HERC1: variants seen among roughly 807,000 people sequenced by gnomAD.
HERC1 encodes HECT and RLD domain containing E3 ubiquitin protein ligase family member 1, also known as probable E3 ubiquitin-protein ligase HERC1.
HERC1 carries 160 observed loss-of-function variants against 554.3 expected under a neutral mutation model. The ratio of observed to expected loss-of-function variants is 0.29; its 90% CI spans 0.25 to 0.33. HERC1 has a LOEUF of 0.33. HERC1 is among the 10% of genes least tolerant of loss of function. HERC1 has a pLI of 1.00. For missense variants in HERC1, 4,919 were observed against 5,918.5 expected, an observed-to-expected ratio of 0.83 and a Z score of 5.54; for synonymous variants, 2,175 against 2,131.7, an observed-to-expected ratio of 1.02 and a Z score of -0.56.
chr15:63,682,901 C>T (rs1034379926), intron 34 of HERC1, among the ~76,000 whole-genome samples: 9 of 151,460 alleles, frequency 5.9e-5, no homozygotes, highest in African/African-American at 2.2e-4. Context: ...TTTGGGAGGC[C>T]GAGGCAGGCA....
intron 1 of HERC1, among the ~76,000 whole-genome samples, chr15:63,796,965 T>C (rs1380972595): frequency 2.0e-5 from 3 of 152,178 alleles, no homozygotes; most frequent in African/African-American, 7.2e-5. Context: ...TTATGAGGCA[T>C]ATCTGGCTCC....
intron 76 of HERC1, among the ~76,000 whole-genome samples, chr15:63,615,527 T>C (rs2067778127): frequency 6.6e-6 from 1 of 152,152 alleles, no homozygotes; most frequent in African/African-American, 2.4e-5. Flanking sequence ...AGAGAATCAC[T>C]TGAACCCAGG....
intron 48 of HERC1, among the ~76,000 whole-genome samples, chr15:63,657,219 G>T (rs1056448699): frequency 8.0e-5 from 12 of 150,878 alleles, no homozygotes; most frequent in Middle Eastern, 3.2e-3. Flanking sequence ...CCATTCTTGT[G>T]GGTGTGCAAT....
chr15:63,636,018 G>A lies in HERC1; in HGVS notation c.12357C>T (p.Ser4119=), dbSNP rs376591272. The change falls in exon 65 of 78, where the codon AGC becomes AGT. Residue 4119 remains serine (S), a synonymous_variant. Coordinates refer to ENST00000443617, the MANE Select transcript of HERC1 (RefSeq NM_003922.4). ...TCTGCCTGGGCCGCCGCTGCCTGTCGCTGTTCCCATGGCCAAGTTTACCAT... is the reference window on the plus strand; with the variant it reads ...TCTGCCTGGGCCGCCGCTGCCTGTCACTGTTCCCATGGCCAAGTTTACCAT... ...GDYGKLGHGN[S]DRQRRPRQIE... is the part of the protein sequence containing the mutation. The A allele has an allele frequency of 5.3e-5, 85 of 1,613,696 alleles. No individual in the cohort carries two copies. The highest frequency in any genetic ancestry group is 6.4e-5 in the Non-Finnish European group (75 of 1,179,854).
chr15:63,674,014 C>T (rs527446500), intron 38 of HERC1, among the ~76,000 whole-genome samples: 1 of 152,256 alleles, frequency 6.6e-6, no homozygotes, highest in Non-Finnish European at 1.5e-5. Context: ...CATGAGCCAC[C>T]ATGCTTGCCA....
At chr15:63,770,979 A>G (rs1282317346) in intron 2 of HERC1, among the ~76,000 whole-genome samples, 3 of 152,198 alleles carry the variant, frequency 2.0e-5, no homozygotes, top group Admixed American at 2.0e-4. Context: ...ACCTGAGGTT[A>G]GGAGTTCGAG....
At chr15:63,746,841 G>C in intron 12 of HERC1, 77 bp downstream of exon 12, 1 of 1,247,320 alleles carries the variant, frequency 8.0e-7, no homozygotes. Context: ...CCAATGTACA[G>C]TTGAATATAT....
At position 63,754,594 on chromosome 15, in the gene HERC1, T is replaced by C. The variant is rs779285476; in HGVS notation, c.1685A>G (p.Asn562Ser). Residue 562 changes from asparagine (N) to serine (S), a missense_variant, in exon 7 of 78, where the codon AAT becomes AGT. By Grantham distance (46) the Asn-to-Ser change is conservative. Coordinates refer to ENST00000443617, the MANE Select transcript of HERC1 (RefSeq NM_003922.4). ...NIPTLVKDIS[N>S]VGEVSCGSSH... ...ACTGCCACAAGAAACCTCTCCTACATTGCTGATGTCTTTTACTAATGTTGG... is the reference window on the plus strand; with the variant it reads ...ACTGCCACAAGAAACCTCTCCTACACTGCTGATGTCTTTTACTAATGTTGG... 49 of 1,613,628 alleles carry C rather than the reference T, an allele frequency of 3.0e-5. No homozygotes were observed. Among genetic ancestry groups the C allele is most frequent in the Non-Finnish European group, 3.5e-5 (41 of 1,179,662 alleles).
rs16947451 is a variant in HERC1 at position 63,797,310 on chromosome 15, T to C, written c.-26-21661A>G. ...CACAAGACAAGTATAGCTTCTTCTA[T>C]CATTCCTTACTGTTCAGGAGTCATG... On this transcript the variant is annotated intron_variant, in intron 1 of 77. Transcript: ENST00000443617. Among the ~76,000 whole-genome samples the C allele has an allele frequency of 7.0e-3, 1,073 of 152,328 alleles. 14 individuals are homozygous for C. The highest frequency in any genetic ancestry group is 0.025 in the African/African-American group (1,031 of 41,564).
intron 33 of HERC1, among the ~76,000 whole-genome samples, chr15:63,687,325 G>A (rs1413387435): frequency 6.6e-6 from 1 of 152,084 alleles, no homozygotes; most frequent in Non-Finnish European, 1.5e-5. Context: ...GGATCACAAG[G>A]TCAGTAGTTT....
rs985133286 is a variant in HERC1 at position 63,678,195 on chromosome 15, C to G, written c.6720G>C (p.Arg2240Ser). The G allele has an allele frequency of 5.0e-6, 8 of 1,613,776 alleles. No homozygotes were observed. The highest frequency in any genetic ancestry group is 6.8e-6 in the Non-Finnish European group (8 of 1,179,884). Reference sequence around the variant, plus strand: ...TAATACATATCTTAATTTTGTGAAGCCTTTCCATCATTTTTTTGTTAATGC... The same window carrying G: ...TAATACATATCTTAATTTTGTGAAGGCTTTCCATCATTTTTTTGTTAATGC... ...TYCINKKMME[R>S]LHKIKICIKE... The change falls in exon 37 of 78, where the codon AGG becomes AGC. Residue 2240 changes from arginine (R) to serine (S), a missense_variant. Physicochemically the swap from Arg to Ser is moderately radical, Grantham distance 110. This residue lies in a region of HERC1 where 1,963 missense variants were observed against 2,228.6 expected (regional missense o/e 0.88). Coordinates refer to ENST00000443617, the MANE Select transcript of HERC1 (RefSeq NM_003922.4).
At chr15:63,828,561 ACTCCCAAC>A (rs1224982010) in intron 1 of HERC1, among the ~76,000 whole-genome samples, 1 of 151,940 alleles carries the variant, frequency 6.6e-6, no homozygotes, top group Non-Finnish European at 1.5e-5. Context: ...CTGGTCTCAA[ACTCCCAAC>A]CTCAGGTGAT....
chr15:63,628,707 T>C lies in HERC1; in HGVS notation c.13075A>G (p.Thr4359Ala), dbSNP rs1048012671. 6 of 1,613,568 alleles carry C rather than the reference T, an allele frequency of 3.7e-6. No homozygotes were observed. The highest frequency in any genetic ancestry group is 4.5e-5 in the East Asian group (2 of 44,854). Residue 4359 changes from threonine (T) to alanine (A), a missense_variant, in exon 70 of 78, where the codon ACA becomes GCA. By Grantham distance (58) the Thr-to-Ala change is moderately conservative. Transcript: ENST00000443617. ...GCTCTTGGTGGGACAGGTGGTGCTG[T>C]CCATGCAGCACTGTGGCAGCGGCCA... ...SAGRCHSAAWTAPPVPPRAPG... is the reference protein window; with the variant it reads ...SAGRCHSAAWAAPPVPPRAPG...
chr15:63,707,934 A>AAAAAAAAAAC (rs2073100640), intron 24 of HERC1, among the ~76,000 whole-genome samples: 1 of 141,736 alleles, frequency 7.1e-6, no homozygotes, highest in African/African-American at 3.0e-5. Flanking sequence ...CTCTCAAAAA[A>AAAAAAAAAAC]AAAAAAAAAA....
chr15:63,731,285 A>AG (rs2074280669), intron 14 of HERC1, among the ~76,000 whole-genome samples: 1 of 152,176 alleles, frequency 6.6e-6, no homozygotes, highest in Non-Finnish European at 1.5e-5. Flanking sequence ...AGAACACTGT[A>AG]GGGCCCTTGC....
intron 71 of HERC1, 123 bp downstream of exon 71, chr15:63,625,862 C>G (rs939159475): frequency 8.3e-6 from 8 of 969,206 alleles, no homozygotes; most frequent in Non-Finnish European, 1.3e-5. Flanking sequence ...GAAGTGTTAT[C>G]TTATTAGCCA....
At chr15:63,699,914 C>T (rs2072627206) in intron 25 of HERC1, among the ~76,000 whole-genome samples, 1 of 152,138 alleles carries the variant, frequency 6.6e-6, no homozygotes, top group Middle Eastern at 3.2e-3. Flanking sequence ...TGATTAACTA[C>T]AATCCTTTCG....
Position 63,609,154 on chromosome 15 carries a change from C to A in HERC1, c.14513G>T (p.Arg4838Leu). The A allele has an allele frequency of 1.2e-6, 2 of 1,613,884 alleles. No individual in the cohort carries two copies. The highest frequency in any genetic ancestry group is 1.1e-5 in the South Asian group (1 of 91,014). The change falls in exon 78 of 78, where the codon CGC (arginine) becomes CTC (leucine). Residue 4838 changes from arginine (R) to leucine (L), a missense_variant. Arg to Leu is a moderately radical substitution (Grantham distance 102). Around this residue, in one of 11 missense-constraint regions of HERC1, gnomAD observed 71 missense variants for 101.4 expected, o/e 0.70. Coordinates refer to ENST00000443617, the MANE Select transcript of HERC1 (RefSeq NM_003922.4). ...CATGTAGTTGTCCATGTCGATTGAGCGGCAGTTGTTGATGGCATAGCGCAG... is the reference window on the plus strand; with the variant it reads ...CATGTAGTTGTCCATGTCGATTGAGAGGCAGTTGTTGATGGCATAGCGCAG... ...ERLRYAINNC[R>L]SIDMDNYMLS... is the part of the protein sequence containing the mutation.
chr15:63,636,094 G>A lies in HERC1; in HGVS notation c.12281C>T (p.Ser4094Phe). Residue 4094 changes from serine (S) to phenylalanine (F), a missense_variant, in exon 65 of 78, where the codon TCT becomes TTT. This residue lies in a region of HERC1 where 122 missense variants were observed against 195.2 expected (regional missense o/e 0.63). Coordinates refer to ENST00000443617, the MANE Select transcript of HERC1 (RefSeq NM_003922.4). Reference sequence around the variant, plus strand: ...CTCACCACTTTCAGTTAGGGCCATAGAGTGCCCATCAGAACCACAGGAAGT... The same window carrying A: ...CTCACCACTTTCAGTTAGGGCCATAAAGTGCCCATCAGAACCACAGGAAGT... ...LVTSCGSDGH[S>F]MALTESGEVF... is the part of the protein sequence containing the mutation. The A allele has an allele frequency of 6.2e-7, 1 of 1,613,750 alleles. No individual in the cohort carries two copies. Among genetic ancestry groups the A allele is most frequent in the Non-Finnish European group, 8.5e-7 (1 of 1,179,858 alleles).
Sources: gnomAD v4.1 joint callset for allele counts (sites outside exome capture counted in the v4.1 genomes callset) on GRCh38, gnomAD v4.1.1 for gene constraint, gnomAD v4.1.1 regional missense constraint, MANE v1.5 for transcripts, NCBI Gene and HGNC (gene_info 2026-07-23, HGNC 2026-07-21) for gene names.